NAALADL2: variants seen among roughly 807,000 people sequenced by gnomAD.
The protein encoded by NAALADL2 is inactive N-acetylated-alpha-linked acidic dipeptidase-like protein 2.
In NAALADL2, 76 loss-of-function variants were observed where a neutral mutation model predicts 87.2. The ratio of observed to expected loss-of-function variants is 0.87; its 90% CI spans 0.72 to 1.05. The LOEUF is 1.05. NAALADL2 is among the 50% of genes least tolerant of loss of function. The pLI, the probability that NAALADL2 is intolerant of heterozygous loss-of-function variation, is 0.00. For missense variants in NAALADL2, 1,089 were observed against 945.8 expected (o/e 1.15, Z -1.99); for synonymous variants, 354 against 331.0 (o/e 1.07, Z -0.75).
chr3:174,582,353 T>A (rs369944796), intron 2 of NAALADL2, among the ~76,000 whole-genome samples: 23 of 152,322 alleles, frequency 1.5e-4, no homozygotes, highest in African/African-American at 5.1e-4. Context: ...TAAACATACT[T>A]GCTTCTATTT....
chr3:174,518,693 G>A (rs932466592), intron 1 of NAALADL2, among the ~76,000 whole-genome samples: 5 of 151,844 alleles, frequency 3.3e-5, no homozygotes, highest in South Asian at 2.1e-4. Context: ...GATTGAATTC[G>A]TTCAATAGTT....
chr3:175,233,479 T>C (rs913133909), intron 2 of NAALADL2, among the ~76,000 whole-genome samples: 7 of 152,184 alleles, frequency 4.6e-5, no homozygotes. Flanking sequence ...TCTCACTCTG[T>C]TGACAAAGCT....
At chr3:174,956,656 T>C (rs533973251) in intron 1 of NAALADL2, among the ~76,000 whole-genome samples, 1 of 152,196 alleles carries the variant, frequency 6.6e-6, no homozygotes, top group South Asian at 2.1e-4. Flanking sequence ...TAGCTGACTC[T>C]ATCTCTTGGA....
At position 175,102,331 on chromosome 3, in the gene NAALADL2, G is replaced by A. The variant is rs577859864; in HGVS notation, c.545+5040G>A. Among the ~76,000 whole-genome samples the A allele has an allele frequency of 7.9e-5, 12 of 152,272 alleles. No individual in the cohort carries two copies. In the South Asian group the frequency reaches 1.2e-3, roughly 16 times the overall value. On this transcript the variant is annotated intron_variant, in intron 2 of 13. Transcript: ENST00000454872. ...CTTTGTGTCACCAAATGGTCTTGCA[G>A]AACCTCCAGCCTTCCAGGTCCTTAT...
At chr3:175,366,355 G>C (rs545340520) in intron 5 of NAALADL2, among the ~76,000 whole-genome samples, 25 of 151,754 alleles carry the variant, frequency 1.6e-4, no homozygotes, top group Admixed American at 2.0e-4. Context: ...ATGATTTATA[G>C]TCCTTTGGGT....
At chr3:175,621,743 C>T (rs1486710007) in intron 10 of NAALADL2, among the ~76,000 whole-genome samples, 1 of 152,100 alleles carries the variant, frequency 6.6e-6, no homozygotes, top group Non-Finnish European at 1.5e-5. Context: ...AGAGATGATA[C>T]AAAATATACT....
intron 1 of NAALADL2, among the ~76,000 whole-genome samples, chr3:174,885,948 C>A (rs1258600542): frequency 9.3e-6 from 1 of 107,284 alleles, no homozygotes; most frequent in Non-Finnish European, 1.8e-5. Context: ...GAGTCTCCCA[C>A]TGTTGCCCAG....
intron 12 of NAALADL2, among the ~76,000 whole-genome samples, chr3:175,753,298 C>G (rs62286118): frequency 0.099 from 15,012 of 152,168 alleles, 782 homozygotes; most frequent in Middle Eastern, 0.13. Flanking sequence ...ACTATGTTCT[C>G]TAAGAACATT....
chr3:175,599,974 C>T (rs1447366267), intron 10 of NAALADL2, among the ~76,000 whole-genome samples: 3 of 151,946 alleles, frequency 2.0e-5, no homozygotes, highest in African/African-American at 7.3e-5. Flanking sequence ...TGTTATATCC[C>T]ACAGTTCCTA....
intron 2 of NAALADL2, among the ~76,000 whole-genome samples, chr3:174,650,002 T>C (rs1410446471): frequency 6.6e-6 from 1 of 152,090 alleles, no homozygotes; most frequent in Non-Finnish European, 1.5e-5. Context: ...ATAAATCCAC[T>C]TTTATAAAGC....
intron 1 of NAALADL2, among the ~76,000 whole-genome samples, chr3:174,450,869 C>CAAAAAAAA (rs761513802): frequency 1.9e-3 from 145 of 74,626 alleles, no homozygotes; most frequent in Middle Eastern, 0.012. Flanking sequence ...GACTCTGTCT[C>CAAAAAAAA]AAAAAAAAAA....
chr3:175,349,512 C>T (rs529793357), intron 5 of NAALADL2, among the ~76,000 whole-genome samples: 1 of 152,154 alleles, frequency 6.6e-6, no homozygotes, highest in Non-Finnish European at 1.5e-5. Context: ...CTGTCTTCAT[C>T]CCAAAAGCTT....
At chr3:174,609,567 G>A (rs2108634956) in intron 2 of NAALADL2, among the ~76,000 whole-genome samples, 1 of 152,240 alleles carries the variant, frequency 6.6e-6, no homozygotes, top group Non-Finnish European at 1.5e-5. Flanking sequence ...ATTCACAATT[G>A]CTTCAAGGAG....
intron 4 of NAALADL2, among the ~76,000 whole-genome samples, chr3:175,268,799 T>A (rs747435426): frequency 3.3e-5 from 5 of 152,140 alleles, no homozygotes; most frequent in African/African-American, 4.8e-5. Flanking sequence ...TATCACTGTC[T>A]TCCACCTCCA....
chr3:174,564,157 G>T (rs566573405), intron 2 of NAALADL2, among the ~76,000 whole-genome samples: 5 of 152,222 alleles, frequency 3.3e-5, no homozygotes, highest in African/African-American at 1.2e-4. Context: ...CTCAGTAGCC[G>T]GGGGGCTAGT....
rs145545140 is a variant in NAALADL2, at chr3:174,474,719, A to G, written c.-184+33687A>G. On this transcript the variant is annotated intron_variant, in intron 1 of 3. Coordinates refer to the NAALADL2 transcript ENST00000434257. ...CATGGGGCTTTCTGTTAGCCTTGCCATAATTTAGTTCATTTTAGTAAATGC... is the reference window on the plus strand; with the variant it reads ...CATGGGGCTTTCTGTTAGCCTTGCCGTAATTTAGTTCATTTTAGTAAATGC... 1.0e-2 allele frequency among the ~76,000 whole-genome samples: 1,520 copies of G among 152,218 alleles called. 29 individuals carry two copies. The highest frequency in any genetic ancestry group is 0.034 in the African/African-American group (1,404 of 41,552).
At chr3:174,801,496 A>G (rs1174870441) in intron 3 of NAALADL2, among the ~76,000 whole-genome samples, 2 of 152,186 alleles carry the variant, frequency 1.3e-5, no homozygotes, top group Admixed American at 6.6e-5. Flanking sequence ...AGTCTCAGGT[A>G]TATCTTTATC....
At chr3:175,007,440 A>T (rs1337578776) in intron 1 of NAALADL2, among the ~76,000 whole-genome samples, 1 of 152,174 alleles carries the variant, frequency 6.6e-6, no homozygotes, top group African/African-American at 2.4e-5. Context: ...AGAGTTGGGA[A>T]GATAAAGAGA....
At chr3:175,133,549 G>A (rs1728576054) in intron 2 of NAALADL2, among the ~76,000 whole-genome samples, 2 of 152,168 alleles carry the variant, frequency 1.3e-5, no homozygotes, top group South Asian at 2.1e-4. Context: ...GCGAAACCCC[G>A]TCTCCACCAA....
Sources: gnomAD v4.1 joint callset for allele counts (sites outside exome capture counted in the v4.1 genomes callset) on GRCh38, gnomAD v4.1.1 for gene constraint, MANE v1.5 for transcripts, NCBI Gene and HGNC (gene_info 2026-07-23, HGNC 2026-07-21) for gene names.